Variants in ADAMTSL1 observed in about 807,000 individuals in gnomAD.
ADAMTSL1 encodes the protein ADAMTS-like protein 1.
A neutral mutation model predicts 201.8 loss-of-function variants in ADAMTSL1; 126 were observed. That is an observed-to-expected ratio of 0.62 (90% CI 0.54 to 0.72). ADAMTSL1 has a LOEUF of 0.72. Ranked by LOEUF, ADAMTSL1 falls within the 30% of genes least tolerant of loss-of-function variation. The probability of loss-of-function intolerance (pLI) is 0.00; values close to 1 mark genes in which losing one functional copy is unlikely to be tolerated. For synonymous variants in ADAMTSL1, 1,121 were observed against 903.4 expected, an observed-to-expected ratio of 1.24 and a Z score of -4.32; for missense variants, 2,679 against 2,277.8, an observed-to-expected ratio of 1.18 and a Z score of -3.59.
intron 1 of ADAMTSL1, among the ~76,000 whole-genome samples, chr9:18,142,531 A>G (rs1330207801): frequency 6.6e-6 from 1 of 151,988 alleles, no homozygotes; most frequent in African/African-American, 2.4e-5. Flanking sequence ...TACAGTGGGG[A>G]CTTGGAAAAG....
intron 23 of ADAMTSL1, among the ~76,000 whole-genome samples, chr9:18,842,027 C>G (rs1176509875): frequency 6.6e-6 from 1 of 151,116 alleles, no homozygotes; most frequent in Non-Finnish European, 1.5e-5. Context: ...TTTTTTGTGT[C>G]TCTATTTCCT....
intron 2 of ADAMTSL1, among the ~76,000 whole-genome samples, chr9:18,194,352 A>G (rs1025252094): frequency 3.3e-5 from 5 of 152,264 alleles, no homozygotes; most frequent in Admixed American, 2.6e-4. Context: ...AGGGGAACAC[A>G]TGATTATTAT....
chr9:17,996,937 C>T (rs755709369), intron 1 of ADAMTSL1, among the ~76,000 whole-genome samples: 5 of 152,140 alleles, frequency 3.3e-5, no homozygotes, highest in African/African-American at 4.8e-5. Context: ...AGTAATTCCA[C>T]TTAACTGGAG....
intron 13 of ADAMTSL1, among the ~76,000 whole-genome samples, chr9:18,696,351 GA>G (rs1831548194): frequency 6.6e-6 from 1 of 152,218 alleles, no homozygotes; most frequent in African/African-American, 2.4e-5. Context: ...CACATTGAAG[GA>G]AGTAAAAGAA....
chr9:18,753,223 C>A (rs1451053720), intron 15 of ADAMTSL1, 75 bp from the exon 16 acceptor site: 20 of 1,438,190 alleles, frequency 1.4e-5, no homozygotes, highest in Non-Finnish European at 9.6e-7. Flanking sequence ...GGTTTTAACT[C>A]CATTTGAGTT....
intron 14 of ADAMTSL1, among the ~76,000 whole-genome samples, chr9:18,716,935 G>A (rs1587970541): frequency 1.4e-5 from 2 of 140,778 alleles, no homozygotes; most frequent in South Asian, 4.6e-4. Flanking sequence ...CATGTCCTTT[G>A]TAGGGACATG....
At chr9:18,331,280 A>G (rs1159367871) in intron 2 of ADAMTSL1, among the ~76,000 whole-genome samples, 1 of 152,228 alleles carries the variant, frequency 6.6e-6, no homozygotes, top group Non-Finnish European at 1.5e-5. Context: ...ATGCTGAGGC[A>G]TTCAGACTTG....
At chr9:18,697,830 G>A (rs1831650360) in intron 13 of ADAMTSL1, among the ~76,000 whole-genome samples, 3 of 152,170 alleles carry the variant, frequency 2.0e-5, no homozygotes, top group Non-Finnish European at 2.9e-5. Context: ...TAGGGTTACT[G>A]AAGGGAGAAA....
chr9:18,762,135 C>T (rs754602402), intron 16 of ADAMTSL1, among the ~76,000 whole-genome samples: 1 of 152,184 alleles, frequency 6.6e-6, no homozygotes, highest in Non-Finnish European at 1.5e-5. Flanking sequence ...CTCTACTAGG[C>T]TCTGGGGAAT....
At chr9:18,300,382 G>T (rs374862328) in intron 2 of ADAMTSL1, among the ~76,000 whole-genome samples, 1 of 150,160 alleles carries the variant, frequency 6.7e-6, no homozygotes, top group East Asian at 2.0e-4. Context: ...AACACCGCAC[G>T]TCCTCACTCA....
intron 1 of ADAMTSL1, among the ~76,000 whole-genome samples, chr9:18,092,858 C>A (rs1824087941): frequency 6.6e-6 from 1 of 152,170 alleles, no homozygotes; most frequent in Admixed American, 6.5e-5. Flanking sequence ...TATTTCATGA[C>A]CTGTTGACAT....
intron 2 of ADAMTSL1, among the ~76,000 whole-genome samples, chr9:18,316,990 A>G (rs982181659): frequency 3.9e-5 from 6 of 152,184 alleles, no homozygotes; most frequent in African/African-American, 1.4e-4. Flanking sequence ...GTGTCCATGG[A>G]TGGATGAGTG....
At chr9:18,633,494 C>A (rs1826906745) in intron 5 of ADAMTSL1, among the ~76,000 whole-genome samples, 2 of 152,098 alleles carry the variant, frequency 1.3e-5, no homozygotes, top group Admixed American at 6.6e-5. Context: ...GAGGCTGAGG[C>A]AGGAGAATCA....
intron 2 of ADAMTSL1, among the ~76,000 whole-genome samples, chr9:18,342,787 T>A (rs1307352411): frequency 3.9e-5 from 6 of 152,160 alleles, no homozygotes; most frequent in African/African-American, 1.4e-4. Flanking sequence ...ATATTTAACA[T>A]CTTCTCAAGG....
chr9:18,473,579 C>T (rs1338650805), upstream of ADAMTSL1, among the ~76,000 whole-genome samples: 2 of 151,912 alleles, frequency 1.3e-5, no homozygotes, highest in African/African-American at 4.8e-5. Context: ...ATTTATTTTG[C>T]AAGTCAAGAG....
At chr9:18,683,465 T>C (rs1396717207) in intron 12 of ADAMTSL1, among the ~76,000 whole-genome samples, 3 of 151,918 alleles carry the variant, frequency 2.0e-5, no homozygotes, top group African/African-American at 4.8e-5. Flanking sequence ...ACTCCTGAGC[T>C]CAGGTAATCG....
intron 16 of ADAMTSL1, among the ~76,000 whole-genome samples, chr9:18,755,442 G>A (rs1819697160): frequency 6.6e-6 from 1 of 152,122 alleles, no homozygotes; most frequent in Non-Finnish European, 1.5e-5. Flanking sequence ...CTCCTTATAG[G>A]CCCTGAAAAT....
intron 2 of ADAMTSL1, among the ~76,000 whole-genome samples, chr9:18,531,987 C>G (rs1026744048): frequency 1.3e-5 from 2 of 152,102 alleles, no homozygotes; most frequent in African/African-American, 2.4e-5. Flanking sequence ...TACTCTATCT[C>G]TCCGGGTTTT....
chr9:18,630,705 A>T (rs1826706735), intron 5 of ADAMTSL1, among the ~76,000 whole-genome samples: 1 of 152,176 alleles, frequency 6.6e-6, no homozygotes, highest in Non-Finnish European at 1.5e-5. Context: ...CCATGGTTTC[A>T]TCTGACTTTT....
Sources: gnomAD v4.1 joint callset for allele counts (sites outside exome capture counted in the v4.1 genomes callset) on GRCh38, gnomAD v4.1.1 for gene constraint, MANE v1.5 for transcripts, NCBI Gene and HGNC (gene_info 2026-07-23, HGNC 2026-07-21) for gene names.